The following PMPCA variants were observed in gnomAD, a reference collection of about 807,000 sequenced individuals.
The protein encoded by PMPCA is mitochondrial-processing peptidase subunit alpha.
In PMPCA, 47 loss-of-function variants were observed where a neutral mutation model predicts 59.3. The observed-to-expected ratio is 0.79, with a 90% CI of 0.63 to 1.01. PMPCA has a LOEUF of 1.01. Among genes scored for constraint, PMPCA ranks in the 50% least tolerant of loss-of-function variants. PMPCA has a pLI of 0.00. For synonymous variants in PMPCA, 338 were observed against 290.3 expected (o/e 1.16, Z -1.67); for missense variants, 726 against 704.5 (o/e 1.03, Z -0.34).
chr9:136,418,781 G>C (rs1835358544), intron 9 of PMPCA, 47 bp from the exon 10 acceptor site: 2 of 1,539,064 alleles, frequency 1.3e-6, no homozygotes, highest in Non-Finnish European at 1.8e-6. Flanking sequence ...CCCATGGCCT[G>C]ATCCTGGCGA....
intron 5 of PMPCA, chr9:136,415,945 T>G: frequency 3.3e-6 from 1 of 307,220 alleles, no homozygotes; most frequent in Non-Finnish European, 6.1e-6. Context: ...TGCCTCTGTT[T>G]CTAAGCACCT....
At position 136,419,124 on chromosome 9, in the gene PMPCA, C is replaced by T; in HGVS notation, c.1263+18C>T. On this transcript the variant is annotated intron_variant, in intron 11 of 12. Coordinates refer to ENST00000371717, the MANE Select transcript of PMPCA (RefSeq NM_015160.3). ...TGGACACGGTAAGTGCAGTGTGGCG[C>T]CATTTCCAGGCGTACCTGTGGTGTC... The T allele has an allele frequency of 1.1e-5, 17 of 1,607,050 alleles. No homozygotes were observed. The highest frequency in any genetic ancestry group is 1.4e-5 in the Non-Finnish European group (17 of 1,173,532).
At chr9:136,411,858 A>G in intron 1 of PMPCA, 139 bp from the exon 2 acceptor site, 1 of 650,818 alleles carries the variant, frequency 1.5e-6, no homozygotes, top group Non-Finnish European at 2.8e-6. Context: ...TTTGTCTTCC[A>G]AAGTCTGTAG....
chr9:136,416,057 G>A (rs1000927397), intron 5 of PMPCA: 31 of 579,272 alleles, frequency 5.4e-5, no homozygotes, highest in South Asian at 2.4e-4. Context: ...GCAGGCTCAC[G>A]TGGCTGCTTC....
chr9:136,412,782 T>C, intron 3 of PMPCA, 28 bp from the exon 4 acceptor site: 1 of 1,393,608 alleles, frequency 7.2e-7, no homozygotes, highest in Non-Finnish European at 1.0e-6. Flanking sequence ...GGATTGCTTA[T>C]TTAGGTTTCC....
At chr9:136,417,779 T>C (rs910699889) in intron 7 of PMPCA, among the ~76,000 whole-genome samples, 6 of 152,048 alleles carry the variant, frequency 3.9e-5, no homozygotes, top group African/African-American at 1.4e-4. Flanking sequence ...ATGTTTTTTT[T>C]TTTTTGTCTT....
intron 6 of PMPCA, 25 bp from the exon 7 acceptor site, chr9:136,416,926 T>C (rs1462479616): frequency 6.3e-7 from 1 of 1,588,252 alleles, no homozygotes. Flanking sequence ...TTCAGTCACC[T>C]GTGTCTGTGG....
rs1396132056 is a variant in PMPCA, at chr9:136,414,666, G to A, written c.532+19G>A. ...CTAACAGGTGTGGATCCCAGCCGCT[G>A]GCGTTTGAGGTGGGCTTGGACATAG... is the stretch of plus-strand genomic sequence containing the variant. On this transcript the variant is annotated intron_variant, in intron 5 of 12. Transcript: ENST00000371717. 1 of 1,538,324 alleles carries A rather than the reference G, an allele frequency of 6.5e-7. No individual in the cohort carries two copies. The highest frequency in any genetic ancestry group is 2.2e-5 in the East Asian group (1 of 44,528).
chr9:136,416,100 C>G, intron 5 of PMPCA, 191 bp from the exon 6 acceptor site: 1 of 594,790 alleles, frequency 1.7e-6, no homozygotes. Context: ...CCCAGGTCCC[C>G]TAGCTCCTGC....
rs1309694702 is a variant in PMPCA, at chr9:136,421,483, C to T, written c.1264-349C>T. Among the ~76,000 whole-genome samples the T allele has an allele frequency of 2.0e-5, 3 of 148,510 alleles. No individual in the cohort carries two copies. The Admixed American group carries it at 2.1e-4, about 10-fold the overall frequency. On this transcript the variant is annotated intron_variant, in intron 11 of 12. Transcript: ENST00000371717. ...GGAGTGCAGTGGTGCGATCTGGGCT[C>T]ACTGCAAGCTCCGCCTCCCGGGTTC...
intron 12 of PMPCA, 32 bp downstream of exon 12, chr9:136,422,008 G>A (rs750776606): frequency 2.5e-5 from 40 of 1,580,820 alleles, no homozygotes; most frequent in East Asian, 1.6e-4. Flanking sequence ...AGGGGCTGCC[G>A]CAGGCCTCGG....
Position 136,416,970 on chromosome 9 carries a change from C to CAGTT in PMPCA, c.654_657dup (p.Gly220SerfsTer69). On this transcript the variant is annotated frameshift_variant, in exon 7 of 13. Coordinates refer to ENST00000371717, the MANE Select transcript of PMPCA (RefSeq NM_015160.3). LOFTEE classifies it high-confidence loss of function. ...CATTAGGCGGCTTACAGGGAGAACACAGTTGGCCTCCACCGTTTCTGCCCC... is the reference window on the plus strand; with the variant it reads ...CATTAGGCGGCTTACAGGGAGAACACAGTTAGTTGGCCTCCACCGTTTCTGCCCC... The CAGTT allele has an allele frequency of 6.2e-7, 1 of 1,611,604 alleles. No individual in the cohort carries two copies. The highest frequency in any genetic ancestry group is 1.1e-5 in the South Asian group (1 of 90,938).
chr9:136,412,488 A>T lies in PMPCA; in HGVS notation c.275-2A>T. The T allele has an allele frequency of 6.8e-7, 1 of 1,462,960 alleles. No individual in the cohort carries two copies. Among genetic ancestry groups the T allele is most frequent in the Non-Finnish European group, 9.5e-7 (1 of 1,054,838 alleles). 90.6% of individuals were successfully genotyped at this position (1,462,960 alleles called of 1,614,324 possible). A position where few individuals can be genotyped will look rare whatever the true frequency, so the allele number is the denominator to read the frequency against. On this transcript the variant is annotated splice_acceptor_variant, in intron 2 of 12. Transcript: ENST00000371717. LOFTEE classifies it high-confidence loss of function. ...ACCTGTCAATTTTCTTTTTACTACTAGTTCTTATCAATTCAGGATCGAGAT... is the reference window on the plus strand; with the variant it reads ...ACCTGTCAATTTTCTTTTTACTACTTGTTCTTATCAATTCAGGATCGAGAT...
At chr9:136,411,875 GTC>G in intron 1 of PMPCA, 120 bp from the exon 2 acceptor site, 1 of 682,852 alleles carries the variant, frequency 1.5e-6, no homozygotes, top group Non-Finnish European at 2.7e-6. Context: ...GTAGAAATAA[GTC>G]CTGTAGAAAG....
At chr9:136,416,082 ATG>A in intron 5 of PMPCA, 1 of 585,990 alleles carries the variant, frequency 1.7e-6, no homozygotes, top group East Asian at 2.8e-5. Context: ...CTGAGGCGGG[ATG>A]TGAGGCCCAG....
chr9:136,418,943 C>T, intron 10 of PMPCA, 25 bp downstream of exon 10: 1 of 1,609,708 alleles, frequency 6.2e-7, no homozygotes, highest in Non-Finnish European at 8.5e-7. Context: ...TGCCACCGTC[C>T]TCAGTGCGGT....
rs1835465857 is a variant in PMPCA at position 136,421,981 on chromosome 9, G to GTACCGCAGGGGTAGTGAGGGGC, written c.1408+7_1408+28dup. ...ACGAGCTGTGCACGCTCATCCGTGAGTACCGCAGGGGTAGTGAGGGGCTGC... is the reference window on the plus strand; with the variant it reads ...ACGAGCTGTGCACGCTCATCCGTGAGTACCGCAGGGGTAGTGAGGGGCTACCGCAGGGGTAGTGAGGGGCTGC... On this transcript the variant is annotated splice_donor_region_variant and intron_variant, in intron 12 of 12. Coordinates refer to ENST00000371717, the MANE Select transcript of PMPCA (RefSeq NM_015160.3). 1.9e-6 allele frequency: 3 copies of GTACCGCAGGGGTAGTGAGGGGC among 1,606,326 alleles called. No homozygotes were observed. The highest frequency in any genetic ancestry group is 2.6e-6 in the Non-Finnish European group (3 of 1,176,426).
chr9:136,420,163 TTC>T (rs1205332703), intron 11 of PMPCA: 2 of 140,682 alleles, frequency 1.4e-5, no homozygotes, highest in Admixed American at 1.4e-4. Context: ...GTTTTTTGTT[TTC>T]TGTTTTTTTT....
chr9:136,414,690 A>T (rs771937685), intron 5 of PMPCA, 43 bp downstream of exon 5: 1 of 1,285,684 alleles, frequency 7.8e-7, no homozygotes, highest in Non-Finnish European at 1.1e-6. Context: ...GCTTGGACAT[A>T]GGGAAGACCG....
Sources: gnomAD v4.1 joint callset for allele counts (sites outside exome capture counted in the v4.1 genomes callset) on GRCh38, gnomAD v4.1.1 for gene constraint, MANE v1.5 for transcripts, NCBI Gene and HGNC (gene_info 2026-07-23, HGNC 2026-07-21) for gene names.